GPHN: variants seen among roughly 807,000 people sequenced by gnomAD.
The protein encoded by GPHN is gephyrin.
GPHN carries 17 observed loss-of-function variants against 95.5 expected under a neutral mutation model. The observed-to-expected ratio is 0.18, with a 90% CI of 0.12 to 0.27. The LOEUF is 0.27. Ranked by LOEUF, GPHN falls within the 10% of genes least tolerant of loss-of-function variation. GPHN has a pLI of 1.00. For synonymous variants in GPHN, 320 were observed against 322.5 expected, an observed-to-expected ratio of 0.99 and a Z score of 0.08; for missense variants, 660 against 978.1, an observed-to-expected ratio of 0.67 and a Z score of 4.34.
the GPHN span, among the ~76,000 whole-genome samples, chr14:67,311,235 C>T: frequency 7.0e-5 from 10 of 143,510 alleles, no homozygotes; most frequent in Non-Finnish European, 1.0e-4. Context: ...CACTTGAACC[C>T]GGGAGATGGA....
intron 9 of GPHN, among the ~76,000 whole-genome samples, chr14:67,016,123 A>G (rs72730449): frequency 0.048 from 7,271 of 152,224 alleles, 201 homozygotes; most frequent in Middle Eastern, 0.068. Flanking sequence ...ATATAGCTAT[A>G]ATATTCTGCA....
At chr14:66,991,981 T>C (rs1223098388) in intron 9 of GPHN, among the ~76,000 whole-genome samples, 1 of 152,054 alleles carries the variant, frequency 6.6e-6, no homozygotes, top group African/African-American at 2.4e-5. Context: ...ATTTGATTAG[T>C]TGACGAGCAG....
chr14:67,255,149 CAA>C, the GPHN span, among the ~76,000 whole-genome samples: 2 of 137,982 alleles, frequency 1.4e-5, no homozygotes, highest in Non-Finnish European at 1.6e-5. Flanking sequence ...CTCCATCTCT[CAA>C]AAAAAAAAAA....
intron 1 of GPHN, among the ~76,000 whole-genome samples, chr14:66,527,317 A>C (rs2058730462): frequency 1.3e-5 from 2 of 151,336 alleles, no homozygotes; most frequent in African/African-American, 4.9e-5. Context: ...CAGTGGTAAT[A>C]TCCCCTTTAT....
chr14:67,684,334 G>A, the GPHN span, among the ~76,000 whole-genome samples: 2 of 152,102 alleles, frequency 1.3e-5, no homozygotes, highest in Non-Finnish European at 2.9e-5. Flanking sequence ...TGTGATGCCT[G>A]GGATTTGCTT....
intron 11 of GPHN, among the ~76,000 whole-genome samples, chr14:67,081,238 G>C (rs1265807097): frequency 6.6e-6 from 1 of 152,170 alleles, no homozygotes; most frequent in African/African-American, 2.4e-5. Context: ...CAGTGTAAAA[G>C]TATTCCCTTT....
Position 66,773,866 on chromosome 14 carries a change from C to T in GPHN, c.144-2598C>T, listed in dbSNP as rs539786452. The stretch of plus-strand genomic sequence containing the variant: ...GGATTATTGGCGTGAGCCAGTGAAC[C>T]TAGCCCTGAAGTCAGTTCTAAATAT... On this transcript the variant is annotated intron_variant, in intron 2 of 22. Coordinates refer to ENST00000478722, the MANE Select transcript of GPHN (RefSeq NM_020806.5). Among the ~76,000 whole-genome samples the T allele has an allele frequency of 3.9e-5, 6 of 152,246 alleles. No individual in the cohort carries two copies. The South Asian group carries it at 1.2e-3, about 32-fold the overall frequency.
At chr14:67,551,089 A>G in the GPHN span, among the ~76,000 whole-genome samples, 1 of 152,234 alleles carries the variant, frequency 6.6e-6, no homozygotes, top group Non-Finnish European at 1.5e-5. Flanking sequence ...CATATAAGCT[A>G]AATGCCCACA....
chr14:67,295,851 C>G, the GPHN span, among the ~76,000 whole-genome samples: 1 of 152,060 alleles, frequency 6.6e-6, no homozygotes, highest in African/African-American at 2.4e-5. Flanking sequence ...AGCAATTTCA[C>G]TTGTAGGTAT....
At chr14:66,703,539 A>G (rs117382042) in intron 2 of GPHN, among the ~76,000 whole-genome samples, 1,844 of 144,938 alleles carry the variant, frequency 0.013, 20 homozygotes, top group Non-Finnish European at 0.018. Flanking sequence ...ATATCTAGCC[A>G]AACTAAACTT....
chr14:66,787,027 G>A (rs967987924), intron 3 of GPHN, among the ~76,000 whole-genome samples: 3 of 152,012 alleles, frequency 2.0e-5, no homozygotes, highest in Non-Finnish European at 4.4e-5. Flanking sequence ...GCACAGTAAC[G>A]CAAGAATATG....
intron 9 of GPHN, among the ~76,000 whole-genome samples, chr14:67,012,730 G>A (rs888535555): frequency 6.6e-6 from 1 of 152,078 alleles, no homozygotes; most frequent in African/African-American, 2.4e-5. Flanking sequence ...ATTCTATGAG[G>A]TGGAAATTCA....
intron 6 of GPHN, among the ~76,000 whole-genome samples, chr14:66,917,169 A>G (rs2065956194): frequency 1.3e-5 from 2 of 152,190 alleles, no homozygotes. Flanking sequence ...ATTTTCTATT[A>G]ACATTATATC....
chr14:67,665,255 A>T, the GPHN span, among the ~76,000 whole-genome samples: 5 of 130,838 alleles, frequency 3.8e-5, no homozygotes, highest in Admixed American at 4.5e-4. Context: ...AATGTCAGTT[A>T]TATCTTTTTT....
At chr14:67,683,855 C>G in the GPHN span, among the ~76,000 whole-genome samples, 9 of 152,274 alleles carry the variant, frequency 5.9e-5, 1 homozygote, top group East Asian at 1.5e-3. Context: ...TTAAGCTAGA[C>G]AAAGTCCCTT....
chr14:66,849,997 A>C (rs889777481), intron 4 of GPHN, among the ~76,000 whole-genome samples: 4 of 152,152 alleles, frequency 2.6e-5, no homozygotes, highest in Admixed American at 2.0e-4. Flanking sequence ...AAATACAAAC[A>C]CATTTCTTCC....
chr14:67,592,673 C>A, the GPHN span: 1 of 1,609,366 alleles, frequency 6.2e-7, no homozygotes, highest in Non-Finnish European at 8.5e-7. Context: ...CCATGTGGTT[C>A]CACTGGATCT....
At position 67,160,488 on chromosome 14, in the gene GPHN, C is replaced by G. The variant is rs568551064; in HGVS notation, c.1910+1000C>G. Among the ~76,000 whole-genome samples, 6 of 152,192 alleles carry G rather than the reference C, an allele frequency of 3.9e-5. No individual in the cohort carries two copies. The East Asian group carries it at 1.2e-3, about 29-fold the overall frequency. Reference sequence around the variant, plus strand: ...CCCTAAAGAAGGGCTGATGGAGGTCCTGAAGTCAGTTATAAATCCTCAAAG... The same window carrying G: ...CCCTAAAGAAGGGCTGATGGAGGTCGTGAAGTCAGTTATAAATCCTCAAAG... On this transcript the variant is annotated intron_variant, in intron 19 of 22. Transcript: ENST00000478722.
At chr14:67,193,649 A>G in the GPHN span, among the ~76,000 whole-genome samples, 88 of 148,184 alleles carry the variant, frequency 5.9e-4, 1 homozygote, top group African/African-American at 2.1e-3. Flanking sequence ...ATAGATATAT[A>G]GAAATTAAGT....
Sources: allele counts gnomAD v4.1 joint callset (sites outside exome capture counted in the v4.1 genomes callset), GRCh38; gene constraint gnomAD v4.1.1; transcripts MANE v1.5; gene names NCBI Gene and HGNC (gene_info 2026-07-23, HGNC 2026-07-21).